The following IFI35 variants were observed in gnomAD, a reference collection of about 807,000 sequenced individuals.
IFI35 encodes the protein interferon induced protein 35.
Under a neutral mutation model 28.6 loss-of-function variants are expected in IFI35, and 30 were observed. That is an observed-to-expected ratio of 1.05 (90% CI 0.79 to 1.43). IFI35 has a LOEUF of 1.43. Among genes scored for constraint, IFI35 ranks in the 40% most tolerant of loss-of-function variants. The pLI is 0.00. For synonymous variants in IFI35, 146 were observed against 154.8 expected (o/e 0.94, Z 0.42); for missense variants, 372 against 356.9 (o/e 1.04, Z -0.34).
intron 1 of IFI35, among the ~76,000 whole-genome samples, chr17:43,010,488 C>T (rs2050448869): frequency 6.6e-6 from 1 of 152,154 alleles, no homozygotes; most frequent in Non-Finnish European, 1.5e-5. Context: ...ATGCTCTTCC[C>T]AGTGCGTCAG....
intron 1 of IFI35, among the ~76,000 whole-genome samples, chr17:43,008,950 C>G (rs992275433): frequency 6.6e-6 from 1 of 151,994 alleles, no homozygotes; most frequent in Admixed American, 6.6e-5. Flanking sequence ...CCACAGCACC[C>G]GGCTTTATAT....
Position 43,013,500 on chromosome 17 carries a change from AG to A in IFI35, c.403del (p.Val135CysfsTer12). 1 of 1,613,896 alleles carries A rather than the reference AG, an allele frequency of 6.2e-7. No individual in the cohort carries two copies. The highest frequency in any genetic ancestry group is 8.5e-7 in the Non-Finnish European group (1 of 1,179,900). On this transcript the variant is annotated frameshift_variant, in exon 5 of 7. Transcript: ENST00000415816. LOFTEE classifies it high-confidence loss of function. Reference sequence around the variant, plus strand: ...GATGTCCAGCCAGTTGAGTGGCCGGAGGGTGTTGGTCACTGGATTTCCTGCC... The same window carrying A: ...GATGTCCAGCCAGTTGAGTGGCCGGAGGTGTTGGTCACTGGATTTCCTGCC... ...IQMSSQLSGR[R>X]VLVTGFPASL... is the part of the protein sequence containing the mutation.
chr17:43,013,415 T>C (rs73983785), intron 4 of IFI35, 42 bp downstream of exon 4: 142,486 of 1,610,888 alleles, frequency 0.088, 7,469 homozygotes, highest in African/African-American at 0.21. Flanking sequence ...AAGCATGCCA[T>C]GCACCTGGGC....
chr17:43,010,248 A>C (rs1289049352), intron 1 of IFI35, among the ~76,000 whole-genome samples: 1 of 151,244 alleles, frequency 6.6e-6, no homozygotes, highest in Non-Finnish European at 1.5e-5. Flanking sequence ...AAGAAGAAAA[A>C]AAAAAAATAG....
In IFI35 at chr17:43,007,034, A is replaced by G. The variant is rs921545317; in HGVS notation, c.21+66A>G. On this transcript the variant is annotated intron_variant, in intron 1 of 6. Coordinates refer to ENST00000415816, the MANE Select transcript of IFI35 (RefSeq NM_001330230.2). ...GTAATCCTCTTGGCTAGGAACCTGC[A>G]GATATCTCAGGGCCTGGCAGCCAAG... is the stretch of plus-strand genomic sequence containing the variant. 6.5e-6 allele frequency: 10 copies of G among 1,545,358 alleles called. No individual in the cohort carries two copies. The African/African-American group carries it at 6.8e-5, about 11-fold the overall frequency.
intron 2 of IFI35, 74 bp from the exon 3 acceptor site, chr17:43,012,973 A>G (rs879382666): frequency 2.2e-5 from 32 of 1,447,866 alleles, no homozygotes; most frequent in Admixed American, 7.9e-5. Flanking sequence ...CTCAGCATCA[A>G]TGGAATGGAA....
At position 43,012,066 on chromosome 17, in the gene IFI35, G is replaced by A. The variant is rs576956700; in HGVS notation, c.22-113G>A. ...CACAAAGGGGTTGGGTTGTTCTTGA[G>A]CTTAGCATCAACTCTGCTTTTGGAG... is the stretch of plus-strand genomic sequence containing the variant. On this transcript the variant is annotated intron_variant, in intron 1 of 6. Coordinates refer to ENST00000415816, the MANE Select transcript of IFI35 (RefSeq NM_001330230.2). 2.5e-4 allele frequency: 181 copies of A among 716,554 alleles called. 2 individuals carry two copies. The African/African-American group carries it at 2.7e-3, about 11-fold the overall frequency. 44.4% of individuals were successfully genotyped at this position (716,554 alleles called of 1,614,324 possible).
At chr17:43,008,763 T>G (rs1241120812) in intron 1 of IFI35, among the ~76,000 whole-genome samples, 1 of 151,996 alleles carries the variant, frequency 6.6e-6, no homozygotes, top group Non-Finnish European at 1.5e-5. Context: ...GACCTCGTGA[T>G]CCGCCTGCCT....
Position 43,013,177 on chromosome 17 carries a change from C to A in IFI35, c.251C>A (p.Thr84Asn). Residue 84 changes from threonine (T) to asparagine (N), a missense_variant, in exon 3 of 7, where the codon ACC (threonine) becomes AAC (asparagine). Transcript: ENST00000415816. The part of the protein sequence containing the change: ...CPLLAGSALI[T>N]FDDPKVAEQV... Reference sequence around the variant, plus strand: ...CTGCTTGCGGGCTCTGCTCTGATCACCTTTGATGACCCCAAAGGTAAGCTC... The same window carrying A: ...CTGCTTGCGGGCTCTGCTCTGATCAACTTTGATGACCCCAAAGGTAAGCTC... The A allele has an allele frequency of 6.2e-7, 1 of 1,614,110 alleles. No individual in the cohort carries two copies. The highest frequency in any genetic ancestry group is 1.3e-5 in the African/African-American group (1 of 75,000).
At chr17:43,013,978 T>C (rs1453916224) in intron 6 of IFI35, 96 bp downstream of exon 6, 3 of 1,281,458 alleles carry the variant, frequency 2.3e-6, no homozygotes, top group Non-Finnish European at 3.3e-6. Flanking sequence ...CAAACCCCAC[T>C]GACCTACCTA....
At position 43,013,333 on chromosome 17, in the gene IFI35, A is replaced by G. The variant is rs745513010; in HGVS notation, c.335A>G (p.Gln112Arg). The G allele has an allele frequency of 1.9e-6, 3 of 1,614,160 alleles. No individual in the cohort carries two copies. In the South Asian group the frequency reaches 3.3e-5, roughly 18 times the overall value. Residue 112 changes from glutamine to arginine, a missense_variant, in exon 4 of 7, where the codon CAG becomes CGG. Coordinates refer to ENST00000415816, the MANE Select transcript of IFI35 (RefSeq NM_001330230.2). The part of the protein sequence containing the change: ...INMEECRLRV[Q>R]VQPLELPMVT... ...ATGGAGGAGTGCCGGCTGCGGGTGC[A>G]GGTCCAGCCCTTGGAGCTGCCCATG...
chr17:43,013,848 C>T lies in IFI35; in HGVS notation c.635C>T (p.Ser212Phe), dbSNP rs1305496854. ...GGGCAGCAAGTCCCTCTGAGAGTCT[C>T]TCCGTATGTGAACGGGGAGATCCAG... ...LGGQQVPLRVSPYVNGEIQKA... is the reference protein window; with the variant it reads ...LGGQQVPLRVFPYVNGEIQKA... Residue 212 changes from serine (S) to phenylalanine (F), a missense_variant, in exon 6 of 7, where the codon TCT becomes TTT. Transcript: ENST00000415816. The T allele has an allele frequency of 1.9e-6, 3 of 1,609,458 alleles. No individual in the cohort carries two copies. The highest frequency in any genetic ancestry group is 1.7e-5 in the Admixed American group (1 of 58,926).
At chr17:43,011,396 G>C (rs980543674) in intron 1 of IFI35, among the ~76,000 whole-genome samples, 12 of 152,088 alleles carry the variant, frequency 7.9e-5, no homozygotes, top group African/African-American at 2.9e-4. Context: ...GTGGGTGCCT[G>C]TAATCCCAGC....
intron 1 of IFI35, among the ~76,000 whole-genome samples, chr17:43,008,163 T>C (rs897261406): frequency 6.7e-6 from 1 of 149,182 alleles, no homozygotes; most frequent in African/African-American, 2.5e-5. Flanking sequence ...GCCTCCCAAG[T>C]AACTGGGAGT....
intron 1 of IFI35, among the ~76,000 whole-genome samples, chr17:43,008,501 C>T (rs1487690278): frequency 6.7e-6 from 1 of 148,386 alleles, no homozygotes; most frequent in African/African-American, 2.5e-5. Context: ...GGCACACATG[C>T]CACCACGCCT....
rs747914826 is a variant in IFI35 at position 43,013,321 on chromosome 17, G to A, written c.323G>A (p.Arg108Gln). Residue 108 changes from arginine to glutamine, a missense_variant, in exon 4 of 7, where the codon CGG becomes CAG. Coordinates refer to ENST00000415816, the MANE Select transcript of IFI35 (RefSeq NM_001330230.2). The part of the protein sequence containing the change: ...KEHTINMEEC[R>Q]LRVQVQPLEL... ...CACACGATCAACATGGAGGAGTGCC[G>A]GCTGCGGGTGCAGGTCCAGCCCTTG... 15 of 1,614,094 alleles carry A rather than the reference G, an allele frequency of 9.3e-6. No individual in the cohort carries two copies. Among genetic ancestry groups the A allele is most frequent in the East Asian group, 4.5e-5 (2 of 44,880 alleles).
chr17:43,008,517 ATTTT>A lies in IFI35; in HGVS notation c.21+1570_21+1573del, dbSNP rs34213054. 3.4e-4 allele frequency among the ~76,000 whole-genome samples: 14 copies of A among 41,068 alleles called. No homozygotes were observed. The South Asian group carries it at 6.7e-3, about 20-fold the overall frequency. The allele number at this position is 41,068 out of a possible 152,430, so 26.9% of individuals were successfully genotyped here. On this transcript the variant is annotated intron_variant, in intron 1 of 6. Transcript: ENST00000415816. ...GCACACATGCCACCACGCCTGGCTC[ATTTT>A]TTTTTTTTTTTTTTTTTTTTGAGAT...
Position 43,007,069 on chromosome 17 carries a change from G to A in IFI35, c.21+101G>A. On this transcript the variant is annotated intron_variant, in intron 1 of 6. Transcript: ENST00000415816. ...GGGCCTGGCAGCCAAGCCTCACCCT[G>A]CCCATCTCAGACCTGCTGAAGGGCT... 6 of 1,283,500 alleles carry A rather than the reference G, an allele frequency of 4.7e-6. No homozygotes were observed. In the South Asian group the frequency reaches 7.1e-5, roughly 15 times the overall value. 79.5% of individuals were successfully genotyped at this position (1,283,500 alleles called of 1,614,324 possible). A position where few individuals can be genotyped will look rare whatever the true frequency, so the allele number is the denominator to read the frequency against.
In IFI35 at chr17:43,006,870, C is replaced by CA; in HGVS notation, c.-76dup. On this transcript the variant is annotated 5_prime_UTR_variant, in exon 1 of 7. Transcript: ENST00000415816. ...ACCACAGCCCTTTGGGGGGTACAAA[C>CA]AAGAGTTCAGTTGCTGTGAATTCTG... 1 of 1,520,752 alleles carries CA rather than the reference C, an allele frequency of 6.6e-7. No individual in the cohort carries two copies. The highest frequency in any genetic ancestry group is 9.1e-7 in the Non-Finnish European group (1 of 1,095,212). 94.2% of individuals were successfully genotyped at this position (1,520,752 alleles called of 1,614,324 possible).
Sources: allele counts gnomAD v4.1 joint callset (sites outside exome capture counted in the v4.1 genomes callset), GRCh38; gene constraint gnomAD v4.1.1; transcripts MANE v1.5; gene names NCBI Gene and HGNC (gene_info 2026-07-23, HGNC 2026-07-21).